SPAG16: variants seen among roughly 807,000 people sequenced by gnomAD.
The protein encoded by SPAG16 is sperm-associated antigen 16 protein.
In SPAG16, 86 loss-of-function variants were observed where a neutral mutation model predicts 80.4. The ratio of observed to expected loss-of-function variants is 1.07; its 90% CI spans 0.90 to 1.28. The LOEUF (loss-of-function observed/expected upper bound fraction) is 1.28, where lower values mean the gene tolerates loss of function less well. Ranked by LOEUF, SPAG16 falls within the 50% of genes most tolerant of loss-of-function variation. The pLI, the probability that SPAG16 is intolerant of heterozygous loss-of-function variation, is 0.00. For synonymous variants in SPAG16, 294 were observed against 265.9 expected (o/e 1.11, Z -1.03); for missense variants, 870 against 765.3 (o/e 1.14, Z -1.61).
At chr2:213,635,905 G>A (rs975125053) in intron 10 of SPAG16, among the ~76,000 whole-genome samples, 1 of 152,166 alleles carries the variant, frequency 6.6e-6, no homozygotes, top group Non-Finnish European at 1.5e-5. Context: ...TGGGTTGTCT[G>A]CTGGCTCTGC....
At position 214,122,332 on chromosome 2, in the gene SPAG16, A is replaced by G. The variant is rs575022360; in HGVS notation, c.1593+14071A>G. On this transcript the variant is annotated intron_variant, in intron 14 of 15. Transcript: ENST00000331683. ...TGTTATACAATAATTAGGCAGTTAAATGTTTTAAATTTGATCTAAGATAGG... is the reference window on the plus strand; with the variant it reads ...TGTTATACAATAATTAGGCAGTTAAGTGTTTTAAATTTGATCTAAGATAGG... 2.0e-5 allele frequency among the ~76,000 whole-genome samples: 3 copies of G among 151,996 alleles called. No homozygotes were observed. In the East Asian group the frequency reaches 5.8e-4, roughly 29 times the overall value.
intron 15 of SPAG16, among the ~76,000 whole-genome samples, chr2:214,373,140 T>C (rs1699922592): frequency 6.6e-6 from 1 of 152,146 alleles, no homozygotes; most frequent in South Asian, 2.1e-4. Context: ...ACTTTCTTAA[T>C]ACAGGGAAAT....
intron 11 of SPAG16, among the ~76,000 whole-genome samples, chr2:213,915,768 C>T (rs1274756997): frequency 2.6e-5 from 4 of 152,182 alleles, no homozygotes; most frequent in Non-Finnish European, 5.9e-5. Context: ...TTCTTCACAT[C>T]CTCTCCAGCA....
intron 15 of SPAG16, among the ~76,000 whole-genome samples, chr2:214,406,253 C>T (rs563054635): frequency 6.3e-4 from 96 of 152,080 alleles, no homozygotes; most frequent in African/African-American, 1.8e-3. Context: ...ACTTCTCACA[C>T]GTGTTTCTAA....
chr2:213,867,879 G>C (rs529900083), intron 11 of SPAG16, among the ~76,000 whole-genome samples: 2 of 130,532 alleles, frequency 1.5e-5, no homozygotes, highest in African/African-American at 5.6e-5. Context: ...AGCTGAGATC[G>C]CGCCACTGCA....
chr2:213,418,167 C>T (rs183206297), intron 9 of SPAG16, among the ~76,000 whole-genome samples: 27 of 152,202 alleles, frequency 1.8e-4, no homozygotes, highest in African/African-American at 5.3e-4. Flanking sequence ...GCCATGTGCC[C>T]GGCCTACAGC....
chr2:213,371,615 T>C (rs570376503), intron 8 of SPAG16, among the ~76,000 whole-genome samples: 1 of 152,272 alleles, frequency 6.6e-6, no homozygotes, highest in East Asian at 1.9e-4. Context: ...GGCATGTCAA[T>C]AGAGATTCTT....
At chr2:214,369,120 G>T (rs1321628431) in intron 15 of SPAG16, among the ~76,000 whole-genome samples, 1 of 151,932 alleles carries the variant, frequency 6.6e-6, no homozygotes, top group African/African-American at 2.4e-5. Flanking sequence ...GAATTCCAGT[G>T]GACAACTCAG....
chr2:213,448,172 C>T (rs7560544), intron 9 of SPAG16, among the ~76,000 whole-genome samples: 15,207 of 152,254 alleles, frequency 0.1, 2,526 homozygotes, highest in African/African-American at 0.34. Flanking sequence ...GCTTGGAGAT[C>T]GGCTAATGAG....
intron 9 of SPAG16, among the ~76,000 whole-genome samples, chr2:213,403,051 C>G (rs566314919): frequency 6.7e-5 from 10 of 148,992 alleles, no homozygotes; most frequent in Admixed American, 6.7e-4. Flanking sequence ...CCAACAGTGT[C>G]AAAGTGTTCC....
At chr2:214,122,996 A>G (rs927977207) in intron 14 of SPAG16, among the ~76,000 whole-genome samples, 1 of 151,964 alleles carries the variant, frequency 6.6e-6, no homozygotes, top group African/African-American at 2.4e-5. Context: ...TAAACTAAAT[A>G]TTTTATGAAA....
intron 15 of SPAG16, among the ~76,000 whole-genome samples, chr2:214,169,016 A>G (rs2056775561): frequency 6.6e-6 from 1 of 152,146 alleles, no homozygotes; most frequent in South Asian, 2.1e-4. Context: ...CTAAGTCATT[A>G]TGATTGTGTA....
intron 9 of SPAG16, among the ~76,000 whole-genome samples, chr2:213,476,668 G>A (rs964244514): frequency 3.3e-5 from 5 of 152,196 alleles, no homozygotes; most frequent in Non-Finnish European, 5.9e-5. Context: ...TGCTCGCATA[G>A]TTTGGTGAGT....
chr2:214,370,962 C>G (rs1411032566), intron 15 of SPAG16, among the ~76,000 whole-genome samples: 2 of 152,174 alleles, frequency 1.3e-5, no homozygotes, highest in Non-Finnish European at 2.9e-5. Flanking sequence ...CAGGTCTACT[C>G]GTAGCTGAAT....
At chr2:214,200,156 T>A (rs2057966862) in intron 15 of SPAG16, among the ~76,000 whole-genome samples, 1 of 151,938 alleles carries the variant, frequency 6.6e-6, no homozygotes, top group African/African-American at 2.4e-5. Context: ...AGAAGTGGTG[T>A]CTTGTTCCAG....
chr2:213,730,611 T>G (rs147783640), intron 10 of SPAG16, among the ~76,000 whole-genome samples: 144 of 152,336 alleles, frequency 9.5e-4, no homozygotes, highest in African/African-American at 3.3e-3. Flanking sequence ...TATGGGTTCT[T>G]TCAAATATTT....
intron 10 of SPAG16, among the ~76,000 whole-genome samples, chr2:213,826,996 T>C (rs1162690143): frequency 2.0e-5 from 3 of 151,842 alleles, no homozygotes; most frequent in Non-Finnish European, 2.9e-5. Flanking sequence ...TTTCTTATGG[T>C]TTTTTTATGA....
Position 213,366,397 on chromosome 2 carries a change from C to CT in SPAG16, c.832+2262dup, listed in dbSNP as rs565594256. On this transcript the variant is annotated intron_variant, in intron 8 of 15. Coordinates refer to ENST00000331683, the MANE Select transcript of SPAG16 (RefSeq NM_024532.5). ...TTGTTGAAAATTGAAGTGAGAAAAT[C>CT]TTTTTTTTTTAATTTATAAAGAAAA... 5.2e-3 allele frequency among the ~76,000 whole-genome samples: 777 copies of CT among 148,644 alleles called. 3 individuals carry two copies. The highest frequency in any genetic ancestry group is 7.4e-3 in the Admixed American group (110 of 14,884).
At chr2:214,273,806 A>T (rs960584406) in intron 15 of SPAG16, among the ~76,000 whole-genome samples, 6 of 152,214 alleles carry the variant, frequency 3.9e-5, no homozygotes, top group Admixed American at 2.0e-4. Context: ...TATGAAATTT[A>T]AAGCAGTTTT....
Sources: gnomAD v4.1 joint callset for allele counts (sites outside exome capture counted in the v4.1 genomes callset) on GRCh38, gnomAD v4.1.1 for gene constraint, MANE v1.5 for transcripts, NCBI Gene and HGNC (gene_info 2026-07-23, HGNC 2026-07-21) for gene names.